Variants in DNAH12 observed in about 807,000 individuals in gnomAD.
DNAH12 encodes dynein axonemal heavy chain 12.
Under a neutral mutation model 371.5 loss-of-function variants are expected in DNAH12, and 285 were observed. That is an observed-to-expected ratio of 0.77 (90% confidence interval 0.70 to 0.85). The LOEUF is 0.85. DNAH12 is among the 40% of genes least tolerant of loss of function. DNAH12 has a pLI of 0.00. For synonymous variants in DNAH12, 1,200 were observed against 1,213.0 expected (o/e 0.99, Z 0.22); for missense variants, 3,611 against 3,689.4 (o/e 0.98, Z 0.55).
chr3:57,405,035 A>G lies in DNAH12; in HGVS notation c.6689T>C (p.Val2230Ala). 6.5e-7 allele frequency: 1 copy of G among 1,546,324 alleles called. No homozygotes were observed. The highest frequency in any genetic ancestry group is 8.7e-7 in the Non-Finnish European group (1 of 1,145,436). Residue 2230 changes from valine (V) to alanine (A), a missense_variant, in exon 42 of 74, where the codon GTT becomes GCT. This residue lies in a region of DNAH12 where 2,266 missense variants were observed against 2,236.9 expected (regional missense o/e 1.01). Transcript: ENST00000495027. Reference sequence around the variant, plus strand: ...ATACTCATCTAAGCACTGGTCCACAACATCACTAAAATGATGAATATTTGG... The same window carrying G: ...ATACTCATCTAAGCACTGGTCCACAGCATCACTAAAATGATGAATATTTGG... ...EIPNIHHFSD[V>A]VDQCLDEYNQ...
chr3:57,427,724 G>A (rs2064823278), intron 34 of DNAH12, among the ~76,000 whole-genome samples: 1 of 151,830 alleles, frequency 6.6e-6, no homozygotes, highest in Non-Finnish European at 1.5e-5. Flanking sequence ...ATAAAAAGAA[G>A]GCCATGTGAA....
At position 57,542,036 on chromosome 3, in the gene DNAH12, C is replaced by T. The variant is rs139514775; in HGVS notation, c.170+665G>A. Among the ~76,000 whole-genome samples, 514 of 151,636 alleles carry T rather than the reference C, an allele frequency of 3.4e-3. 3 individuals are homozygous for T. Among genetic ancestry groups the T allele is most frequent in the Middle Eastern group, 0.01 (3 of 290 alleles). Reference sequence around the variant, plus strand: ...CATGTATTTTTCTTTTTATTTATCCCTAGAAACCAGCAGAATCGGCTGTCT... The same window carrying T: ...CATGTATTTTTCTTTTTATTTATCCTTAGAAACCAGCAGAATCGGCTGTCT... On this transcript the variant is annotated intron_variant, in intron 2 of 73. Coordinates refer to ENST00000495027, the MANE Select transcript of DNAH12 (RefSeq NM_001366028.2).
At chr3:57,499,647 A>AAAAAAAAAAAATATATATAT (rs1451248906) in intron 11 of DNAH12, among the ~76,000 whole-genome samples, 2 of 17,944 alleles carry the variant, frequency 1.1e-4, no homozygotes, top group Non-Finnish European at 2.4e-4. Context: ...AAAAAAAAAA[A>AAAAAAAAAAAATATATATAT]ATATATATAT....
chr3:57,419,446 T>C lies in DNAH12; in HGVS notation c.5635A>G (p.Lys1879Glu). 6.6e-7 allele frequency: 1 copy of C among 1,506,642 alleles called. No homozygotes were observed. The highest frequency in any genetic ancestry group is 8.8e-7 in the Non-Finnish European group (1 of 1,131,046). 93.3% of individuals were successfully genotyped at this position (1,506,642 alleles called of 1,614,324 possible). Residue 1879 changes from lysine to glutamate, a missense_variant, in exon 37 of 74, where the codon AAG (lysine) becomes GAG (glutamate). Lys to Glu is a moderately conservative substitution (Grantham distance 56). Around this residue, in one of 3 missense-constraint regions of DNAH12, gnomAD observed 2,266 missense variants for 2,236.9 expected, o/e 1.01. Coordinates refer to ENST00000495027, the MANE Select transcript of DNAH12 (RefSeq NM_001366028.2). ...GTAGGGACTATGATATCTTGAATCTTGATTTGTTTATCTCCTAAATTAGTA... is the reference window on the plus strand; with the variant it reads ...GTAGGGACTATGATATCTTGAATCTCGATTTGTTTATCTCCTAAATTAGTA... ...KNTNLGDKQI[K>E]IQDIIVPTMD...
rs1575430827 is a variant in DNAH12 at position 57,309,385 on chromosome 3, T to C, written c.11086-131A>G. The C allele has an allele frequency of 5.2e-6, 4 of 772,172 alleles. No individual in the cohort carries two copies. In the East Asian group the frequency reaches 1.1e-4, roughly 21 times the overall value. 47.8% of individuals were successfully genotyped at this position (772,172 alleles called of 1,614,324 possible). A position where few individuals can be genotyped will look rare whatever the true frequency, so the allele number is the denominator to read the frequency against. On this transcript the variant is annotated intron_variant, in intron 68 of 73. Coordinates refer to ENST00000495027, the MANE Select transcript of DNAH12 (RefSeq NM_001366028.2). ...AGCTCATAACGTACAGTAATGTATA[T>C]AAGTCCTATGTACCTTAGCTCATCC... is the stretch of plus-strand genomic sequence containing the variant.
rs1553642725 is a variant in DNAH12, at chr3:57,301,719, C to CAT, written c.11394+15_11394+16insAT. The CAT allele has an allele frequency of 3.5e-6, 4 of 1,141,360 alleles. No homozygotes were observed. The African/African-American group carries it at 6.4e-5, about 18-fold the overall frequency. 70.7% of individuals were successfully genotyped at this position (1,141,360 alleles called of 1,614,324 possible). A position where few individuals can be genotyped will look rare whatever the true frequency, so the allele number is the denominator to read the frequency against. On this transcript the variant is annotated intron_variant, in intron 70 of 73. Transcript: ENST00000495027. Reference sequence around the variant, plus strand: ...ACACACACACACACACACACACACACACACACACATTTTACCTGTAAAAAG... The same window carrying CAT: ...ACACACACACACACACACACACACACATACACACACATTTTACCTGTAAAAAG...
chr3:57,461,485 A>T lies in DNAH12; in HGVS notation c.2736+4T>A. The T allele has an allele frequency of 6.4e-7, 1 of 1,551,122 alleles. No homozygotes were observed. The highest frequency in any genetic ancestry group is 8.7e-7 in the Non-Finnish European group (1 of 1,146,696). On this transcript the variant is annotated splice_donor_region_variant and intron_variant, in intron 19 of 73. Transcript: ENST00000495027. ...CCAAGAGCTGATTATCACATTTAACATACCTTGATCTCATGTTCAAATGGT... is the reference window on the plus strand; with the variant it reads ...CCAAGAGCTGATTATCACATTTAACTTACCTTGATCTCATGTTCAAATGGT...
At chr3:57,318,566 C>G (rs887916069) in intron 65 of DNAH12, among the ~76,000 whole-genome samples, 1 of 151,978 alleles carries the variant, frequency 6.6e-6, no homozygotes, top group African/African-American at 2.4e-5. Context: ...CCCCAAAACC[C>G]AAAATCCAAA....
chr3:57,462,451 C>T (rs530724137), intron 18 of DNAH12, among the ~76,000 whole-genome samples: 2 of 152,060 alleles, frequency 1.3e-5, no homozygotes, highest in East Asian at 1.9e-4. Context: ...GGGGTCTCAC[C>T]ATGTTGGCCA....
chr3:57,454,931 T>C, intron 22 of DNAH12, 37 bp from the exon 23 acceptor site: 8 of 1,527,028 alleles, frequency 5.2e-6, no homozygotes, highest in Non-Finnish European at 7.0e-6. Flanking sequence ...TTTAAAAGCT[T>C]GAATGAGAAA....
At chr3:57,550,372 T>G in the DNAH12 span, among the ~76,000 whole-genome samples, 1 of 152,086 alleles carries the variant, frequency 6.6e-6, no homozygotes, top group Admixed American at 6.6e-5. Flanking sequence ...TAATAAAACC[T>G]TATAAACAAA....
intron 73 of DNAH12, 144 bp downstream of exon 73, chr3:57,295,381 C>G (rs1468745031): frequency 5.2e-6 from 3 of 575,884 alleles, no homozygotes; most frequent in Non-Finnish European, 9.0e-6. Flanking sequence ...ATAATAATTT[C>G]TAATGTAAAT....
At position 57,425,096 on chromosome 3, in the gene DNAH12, G is replaced by A. The variant is rs143040442; in HGVS notation, c.5299C>T (p.Arg1767Cys). Residue 1767 changes from arginine to cysteine, a missense_variant, in exon 35 of 74, where the codon CGC (arginine) becomes TGC (cysteine). Physicochemically the swap from Arg to Cys is radical, Grantham distance 180 (BLOSUM62 -3). This residue lies in a region of DNAH12 where 2,266 missense variants were observed against 2,236.9 expected (regional missense o/e 1.01). Transcript: ENST00000495027. ...SNSNVVVSLT[R>C]LFEVLLCNVV... The stretch of plus-strand genomic sequence containing the variant: ...TTGCAAAGTAGCACTTCAAAGAGGC[G>A]TGTGAGAGATACAACCACGTTGCTG... 0.014 allele frequency: 10,012 copies of A among 702,722 alleles called. 130 individuals are homozygous for A. Among genetic ancestry groups the A allele is most frequent in the Middle Eastern group, 0.031 (137 of 4,368 alleles). 43.5% of individuals were successfully genotyped at this position (702,722 alleles called of 1,614,324 possible). A position where few individuals can be genotyped will look rare whatever the true frequency, so the allele number is the denominator to read the frequency against.
At chr3:57,403,111 T>A (rs192207122) in intron 43 of DNAH12, among the ~76,000 whole-genome samples, 198 bp downstream of exon 43, 2 of 152,150 alleles carry the variant, frequency 1.3e-5, no homozygotes, top group East Asian at 3.9e-4. Flanking sequence ...TAGAATGAGA[T>A]CATGTAGGTA....
chr3:57,549,108 A>G (rs1174961900), upstream of DNAH12, among the ~76,000 whole-genome samples: 3 of 152,168 alleles, frequency 2.0e-5, no homozygotes, highest in Admixed American at 6.5e-5. Flanking sequence ...GGATCACTTG[A>G]GCTCAGGAGT....
chr3:57,446,019 AAAT>A lies in DNAH12; in HGVS notation c.4179+9_4179+11del, dbSNP rs2065481948. ...AAAATAAATAAATAAATAAATAAAT[AAAT>A]AATATTACCTTAAGATTGTCCGGCA... On this transcript the variant is annotated intron_variant, in intron 27 of 73. Coordinates refer to ENST00000495027, the MANE Select transcript of DNAH12 (RefSeq NM_001366028.2). The A allele has an allele frequency of 1.5e-5, 5 of 323,770 alleles. No homozygotes were observed. The highest frequency in any genetic ancestry group is 2.2e-5 in the Non-Finnish European group (5 of 231,534). The allele number at this position is 323,770 out of a possible 1,614,324, so 20.1% of individuals were successfully genotyped here.
In DNAH12 at chr3:57,408,475, C is replaced by CA; in HGVS notation, c.6080dup (p.Met2027IlefsTer25). 1 of 1,551,398 alleles carries CA rather than the reference C, an allele frequency of 6.4e-7. No individual in the cohort carries two copies. The highest frequency in any genetic ancestry group is 8.7e-7 in the Non-Finnish European group (1 of 1,146,836). On this transcript the variant is annotated frameshift_variant, in exon 40 of 74. Coordinates refer to ENST00000495027, the MANE Select transcript of DNAH12 (RefSeq NM_001366028.2). LOFTEE classifies it high-confidence loss of function. ...GATTTCTTCCACCACCTGGAGGGCCCATTGCAGCAATCAGCTCTATGTCCA... is the reference window on the plus strand; with the variant it reads ...GATTTCTTCCACCACCTGGAGGGCCCAATTGCAGCAATCAGCTCTATGTCCA...
At chr3:57,470,719 G>C (rs1575646924) in intron 15 of DNAH12, 83 bp from the exon 16 acceptor site, 12 of 1,154,654 alleles carry the variant, frequency 1.0e-5, no homozygotes, top group Non-Finnish European at 1.3e-5. Context: ...TGTACAATAT[G>C]TCCTTGTATT....
intron 25 of DNAH12, among the ~76,000 whole-genome samples, chr3:57,447,427 T>C (rs2065543178): frequency 6.6e-6 from 1 of 152,170 alleles, no homozygotes; most frequent in Admixed American, 6.5e-5. Flanking sequence ...GAGTTTCAAA[T>C]TTAACTTCTT....
Sources: gnomAD v4.1 joint callset for allele counts (sites outside exome capture counted in the v4.1 genomes callset) on GRCh38, gnomAD v4.1.1 for gene constraint, gnomAD v4.1.1 regional missense constraint, MANE v1.5 for transcripts, NCBI Gene and HGNC (gene_info 2026-07-23, HGNC 2026-07-21) for gene names.